PDE3A: variants seen among roughly 807,000 people sequenced by gnomAD.
PDE3A encodes cGMP-inhibited 3',5'-cyclic phosphodiesterase 3A.
In PDE3A, 43 loss-of-function variants were observed where a neutral mutation model predicts 98.3. That is an observed-to-expected ratio of 0.44 (90% CI 0.34 to 0.56). The LOEUF (loss-of-function observed/expected upper bound fraction) is 0.56. Ranked by LOEUF, PDE3A falls within the 20% of genes least tolerant of loss-of-function variation. PDE3A has a pLI of 0.01. For synonymous variants in PDE3A, 663 were observed against 567.9 expected (o/e 1.17, Z -2.38); for missense variants, 1,427 against 1,440.7 (o/e 0.99, Z 0.15).
intron 2 of PDE3A, among the ~76,000 whole-genome samples, chr12:20,584,031 C>G (rs114655808): frequency 1.3e-5 from 2 of 152,094 alleles, no homozygotes; most frequent in African/African-American, 2.4e-5. Flanking sequence ...AAGTTCTAGA[C>G]GCACCTACTG....
At chr12:20,672,431 C>T (rs1945508300) in intron 15 of PDE3A, among the ~76,000 whole-genome samples, 1 of 147,340 alleles carries the variant, frequency 6.8e-6, no homozygotes, top group Admixed American at 6.8e-5. Flanking sequence ...AGGCATCACA[C>T]TACCTGACTT....
chr12:20,614,860 C>T (rs183075330), intron 3 of PDE3A, among the ~76,000 whole-genome samples: 1 of 152,030 alleles, frequency 6.6e-6, no homozygotes, highest in Non-Finnish European at 1.5e-5. Context: ...AGCAGAATGT[C>T]TTTGTGAACT....
At chr12:20,398,523 C>CA (rs928291492) in intron 1 of PDE3A, among the ~76,000 whole-genome samples, 1 of 151,782 alleles carries the variant, frequency 6.6e-6, no homozygotes, top group Non-Finnish European at 1.5e-5. Flanking sequence ...AGAAAGCCAT[C>CA]AAAAAAACTG....
chr12:20,543,009 C>T (rs893910670), intron 1 of PDE3A, among the ~76,000 whole-genome samples: 7 of 151,852 alleles, frequency 4.6e-5, no homozygotes, highest in African/African-American at 1.5e-4. Flanking sequence ...CTCAAATTGA[C>T]ATAAATAATG....
chr12:20,586,693 T>C (rs931750719), intron 2 of PDE3A, among the ~76,000 whole-genome samples: 4 of 152,356 alleles, frequency 2.6e-5, no homozygotes, highest in East Asian at 3.9e-4. Flanking sequence ...AATATTAGAA[T>C]GTTTAACTTT....
At chr12:20,485,009 T>C (rs925175185) in intron 1 of PDE3A, among the ~76,000 whole-genome samples, 1 of 152,204 alleles carries the variant, frequency 6.6e-6, no homozygotes, top group Non-Finnish European at 1.5e-5. Flanking sequence ...CATATTTTAT[T>C]GAGATCAAAA....
intron 2 of PDE3A, among the ~76,000 whole-genome samples, chr12:20,593,221 A>G (rs1334447492): frequency 6.6e-6 from 1 of 152,198 alleles, no homozygotes; most frequent in African/African-American, 2.4e-5. Flanking sequence ...AACACCATAA[A>G]CCAAAGCATA....
chr12:20,524,101 GC>G (rs1275107241), intron 1 of PDE3A, among the ~76,000 whole-genome samples: 1 of 152,120 alleles, frequency 6.6e-6, no homozygotes, highest in East Asian at 1.9e-4. Context: ...TACCATCACG[GC>G]CCCAGGGGAA....
At chr12:20,637,929 C>T (rs182240365) in intron 9 of PDE3A, among the ~76,000 whole-genome samples, 174 of 152,242 alleles carry the variant, frequency 1.1e-3, no homozygotes, top group African/African-American at 4.0e-3. Flanking sequence ...TCGAAATACA[C>T]ACCCTTAATT....
intron 1 of PDE3A, among the ~76,000 whole-genome samples, chr12:20,485,194 C>T (rs76248404): frequency 0.023 from 3,522 of 152,110 alleles, 149 homozygotes; most frequent in African/African-American, 0.081. Flanking sequence ...CTGAGGGCTG[C>T]GAGGGAAAAT....
At position 20,680,458 on chromosome 12, in the gene PDE3A, A is replaced by C. The variant is rs1351411849; in HGVS notation, c.*187A>C. On this transcript the variant is annotated 3_prime_UTR_variant, in exon 16 of 16. Coordinates refer to ENST00000359062, the MANE Select transcript of PDE3A (RefSeq NM_000921.5). ...GTACATTGTTAAAAACTTTTTGCTC[A>C]AAGAAGCTTTCACATTGCAACACCA... 9 of 609,550 alleles carry C rather than the reference A, an allele frequency of 1.5e-5. No individual in the cohort carries two copies. The allele number at this position is 609,550 out of a possible 1,614,324, so 37.8% of individuals were successfully genotyped here.
chr12:20,515,833 C>T (rs370200295), intron 1 of PDE3A, among the ~76,000 whole-genome samples: 12 of 149,492 alleles, frequency 8.0e-5, no homozygotes, highest in African/African-American at 2.0e-4. Context: ...CCCGGGTTCA[C>T]GCCATTCTCC....
chr12:20,410,241 G>T (rs367692389), intron 1 of PDE3A, among the ~76,000 whole-genome samples: 1 of 152,116 alleles, frequency 6.6e-6, no homozygotes, highest in Non-Finnish European at 1.5e-5. Flanking sequence ...ACACTTGTTT[G>T]GCATGACCCT....
intron 5 of PDE3A, among the ~76,000 whole-genome samples, chr12:20,622,514 C>CTGG (rs1944161753): frequency 6.6e-6 from 1 of 152,122 alleles, no homozygotes; most frequent in Admixed American, 6.6e-5. Flanking sequence ...AACAACTAAT[C>CTGG]TGGTCCTCTC....
intron 1 of PDE3A, among the ~76,000 whole-genome samples, chr12:20,375,866 C>T (rs1288202188): frequency 2.6e-5 from 4 of 151,860 alleles, no homozygotes; most frequent in Non-Finnish European, 5.9e-5. Flanking sequence ...AGGACTCATT[C>T]ATCTCCTCTC....
intron 2 of PDE3A, among the ~76,000 whole-genome samples, chr12:20,569,454 G>A (rs1417611652): frequency 6.6e-6 from 1 of 152,044 alleles, no homozygotes; most frequent in Non-Finnish European, 1.5e-5. Flanking sequence ...TCATAACCTT[G>A]TAAGGAGTGT....
At chr12:20,447,630 C>T (rs1207173372) in intron 1 of PDE3A, among the ~76,000 whole-genome samples, 1 of 152,198 alleles carries the variant, frequency 6.6e-6, no homozygotes, top group Non-Finnish European at 1.5e-5. Flanking sequence ...CTCTGCACCC[C>T]TTCTCCTATA....
chr12:20,440,900 C>A (rs574564569), intron 1 of PDE3A, among the ~76,000 whole-genome samples: 1 of 124,366 alleles, frequency 8.0e-6, no homozygotes, highest in Admixed American at 9.1e-5. Flanking sequence ...ACCTATCTCA[C>A]CTTTGATTAT....
intron 1 of PDE3A, among the ~76,000 whole-genome samples, chr12:20,521,850 C>A (rs1424538806): frequency 1.3e-5 from 2 of 152,068 alleles, no homozygotes; most frequent in Non-Finnish European, 2.9e-5. Context: ...GACAGGAGAA[C>A]CAACTTACCT....
Sources: gnomAD v4.1 joint callset for allele counts (sites outside exome capture counted in the v4.1 genomes callset) on GRCh38, gnomAD v4.1.1 for gene constraint, MANE v1.5 for transcripts, NCBI Gene and HGNC (gene_info 2026-07-23, HGNC 2026-07-21) for gene names.